The following ARMCX4 variants were observed in gnomAD, a reference collection of about 807,000 sequenced individuals.
The protein encoded by ARMCX4 is armadillo repeat containing X-linked 4.
ARMCX4 carries 3 observed loss-of-function variants against 34.7 expected under a neutral mutation model. The observed-to-expected ratio is 0.09, with a 90% confidence interval of 0.04 to 0.22. The LOEUF is 0.22. ARMCX4 is among the 10% of genes least tolerant of loss of function. ARMCX4 has a pLI of 1.00. For synonymous variants in ARMCX4, 513 were observed against 632.8 expected, an observed-to-expected ratio of 0.81 and a Z score of 2.84; for missense variants, 1,448 against 1,720.8, an observed-to-expected ratio of 0.84 and a Z score of 2.81.
intron 7 of ARMCX4, among the ~76,000 whole-genome samples, chrX:101,503,715 A>G (rs1934367105): frequency 9.1e-6 from 1 of 110,194 alleles, no homozygotes; most frequent in Non-Finnish European, 1.9e-5. Context: ...GATTGCAAAA[A>G]TTTTCTCCCA....
chrX:101,525,944 C>A (rs1431201012), intron 11 of ARMCX4, among the ~76,000 whole-genome samples: 1 of 111,885 alleles, frequency 8.9e-6, no homozygotes, highest in Non-Finnish European at 1.9e-5. Context: ...CCCAACCTAG[C>A]AAGGCAGGCC....
At chrX:101,449,732 C>T (rs895051399), downstream of ARMCX4, among the ~76,000 whole-genome samples, 6 of 111,686 alleles carry the variant, frequency 5.4e-5, no homozygotes, top group Non-Finnish European at 5.6e-5. Context: ...TTATTTTGTA[C>T]GGTGAGGTCG....
At chrX:101,510,970 T>C (rs1444152292) in intron 10 of ARMCX4, 1 of 111,607 alleles carries the variant, frequency 9.0e-6, no homozygotes, top group Non-Finnish European at 1.9e-5. Context: ...TAGGTTCTTC[T>C]TTTCATCCTT....
At chrX:101,427,135 AG>A (rs1929671127) in intron 2 of ARMCX4, among the ~76,000 whole-genome samples, 1 of 111,932 alleles carries the variant, frequency 8.9e-6, no homozygotes, top group Non-Finnish European at 1.9e-5. Flanking sequence ...GGAAAAATAA[AG>A]TTAACATCTC....
chrX:101,485,974 G>C (rs1556006681), intron 1 of ARMCX4, 49 bp from the exon 2 acceptor site: 2 of 111,503 alleles, frequency 1.8e-5, no homozygotes, highest in African/African-American at 6.5e-5. Context: ...TATGTCCTGG[G>C]CTCTAGACCA....
Position 101,492,148 on chromosome X carries a change from G to A in ARMCX4, c.3559G>A (p.Ala1187Thr), listed in dbSNP as rs782740612. The A allele has an allele frequency of 1.5e-5, 17 of 1,153,777 alleles. No homozygotes were observed. The highest frequency in any genetic ancestry group is 1.9e-5 in the Non-Finnish European group (17 of 871,865). ...GACTTGGGCTAGAGCTGGGGAGCAGGCCAGTGGAGGGCTCTGGGCTGGGGG... is the reference window on the plus strand; with the variant it reads ...GACTTGGGCTAGAGCTGGGGAGCAGACCAGTGGAGGGCTCTGGGCTGGGGG... ...IGTWARAGEQ[A>T]SGGLWAGGQT... Residue 1187 changes from alanine (A) to threonine (T), a missense_variant, in exon 6 of 6, where the codon GCC (alanine) becomes ACC (threonine). Ala to Thr is a moderately conservative substitution (Grantham distance 58). Transcript: ENST00000423738.
chrX:101,495,400 G>A lies in ARMCX4; in HGVS notation c.6811G>A (p.Ala2271Thr). Residue 2271 changes from alanine (A) to threonine (T), a missense_variant, in exon 6 of 6, where the codon GCA (alanine) becomes ACA (threonine). By Grantham distance (58) the Ala-to-Thr change is moderately conservative. This residue lies in a region of ARMCX4 where 105 missense variants were observed against 180.2 expected (regional missense o/e 0.58). Coordinates refer to ENST00000423738, the MANE Select transcript of ARMCX4 (RefSeq NM_001256155.3). ...ATGTGCCAAGAAACTTCGAGCCTTAGCAGCAGAATGCAATGACCCTGAGGT... is the reference window on the plus strand; with the variant it reads ...ATGTGCCAAGAAACTTCGAGCCTTAACAGCAGAATGCAATGACCCTGAGGT... ...KACAKKLRAL[A>T]AECNDPEVKE... 1.7e-6 allele frequency: 2 copies of A among 1,143,562 alleles called. No individual in the cohort carries two copies. Among genetic ancestry groups the A allele is most frequent in the Non-Finnish European group, 2.3e-6 (2 of 867,825 alleles). The allele number at this position is 1,143,562 out of a possible 1,213,427, so 94.2% of individuals were successfully genotyped here. A position where few individuals can be genotyped will look rare whatever the true frequency, so the allele number is the denominator to read the frequency against.
chrX:101,519,158 C>A (rs782760686), intron 11 of ARMCX4, among the ~76,000 whole-genome samples: 2 of 111,528 alleles, frequency 1.8e-5, no homozygotes, highest in African/African-American at 6.5e-5. Context: ...TATAAATCTT[C>A]TGGTTAGAGT....
At chrX:101,503,852 G>T (rs1556014370) in intron 7 of ARMCX4, among the ~76,000 whole-genome samples, 1 of 109,529 alleles carries the variant, frequency 9.1e-6, no homozygotes, top group Non-Finnish European at 1.9e-5. Context: ...TAGACATGAA[G>T]TCCTTGCCCA....
chrX:101,501,410 T>G (rs1556013594), intron 7 of ARMCX4, among the ~76,000 whole-genome samples: 1 of 112,850 alleles, frequency 8.9e-6, no homozygotes, highest in African/African-American at 3.2e-5. Flanking sequence ...AAGGCAAGTT[T>G]ATTAGAGCAA....
intron 1 of ARMCX4, among the ~76,000 whole-genome samples, chrX:101,418,562 G>A (rs1294463331): frequency 8.9e-6 from 1 of 112,019 alleles, no homozygotes; most frequent in East Asian, 2.8e-4. Flanking sequence ...AGGCCTAGTC[G>A]TGCGACAGGA....
chrX:101,441,550 GCATGTACACA>G (rs1931290109), intron 2 of ARMCX4, among the ~76,000 whole-genome samples: 1 of 106,727 alleles, frequency 9.4e-6, no homozygotes, highest in East Asian at 2.9e-4. Context: ...ATGTGTGCAT[GCATGTACACA>G]CACATGCACA....
At chrX:101,499,630 A>G (rs1296509731), downstream of ARMCX4, among the ~76,000 whole-genome samples, 2 of 112,071 alleles carry the variant, frequency 1.8e-5, no homozygotes, top group Non-Finnish European at 3.8e-5. Context: ...GTTGCACTTA[A>G]CTGTCAGAAG....
chrX:101,423,381 G>A (rs1197288657), intron 2 of ARMCX4, among the ~76,000 whole-genome samples: 2 of 107,851 alleles, frequency 1.9e-5, no homozygotes, highest in Non-Finnish European at 3.8e-5. Context: ...ACTTTGGGAG[G>A]CCGAGGTGGG....
At chrX:101,481,388 G>A (rs1051639671), upstream of ARMCX4, among the ~76,000 whole-genome samples, 1 of 112,164 alleles carries the variant, frequency 8.9e-6, no homozygotes, top group Non-Finnish European at 1.9e-5. Context: ...TGATTTTGCC[G>A]AACTGTCAGC....
At chrX:101,500,359 A>T (rs1934269259), downstream of ARMCX4, among the ~76,000 whole-genome samples, 1 of 111,890 alleles carries the variant, frequency 8.9e-6, no homozygotes, top group African/African-American at 3.2e-5. Context: ...TTTGTAGATG[A>T]GAAGGCCAAG....
intron 11 of ARMCX4, among the ~76,000 whole-genome samples, chrX:101,512,113 C>T (rs782042992): frequency 7.2e-5 from 8 of 110,959 alleles, no homozygotes; most frequent in African/African-American, 2.3e-4. Flanking sequence ...TGGGTGCGGC[C>T]GCTCACGCCT....
chrX:101,463,630 G>A (rs1274482778), intron 4 of ARMCX4, among the ~76,000 whole-genome samples: 9 of 112,125 alleles, frequency 8.0e-5, no homozygotes, highest in African/African-American at 2.9e-4. Context: ...AGAAGTAAGA[G>A]ACCCAGTGGT....
chrX:101,432,703 T>C lies in ARMCX4; in HGVS notation n.165-11349T>C, dbSNP rs188785926. Among the ~76,000 whole-genome samples the C allele has an allele frequency of 9.0e-3, 953 of 106,218 alleles. 4 individuals are homozygous for C. Among genetic ancestry groups the C allele is most frequent in the Non-Finnish European group, 0.015 (752 of 51,805 alleles). The allele number at this position is 106,218 out of a possible 115,157, so 92.2% of individuals were successfully genotyped here. A position where few individuals can be genotyped will look rare whatever the true frequency, so the allele number is the denominator to read the frequency against. On this transcript the variant is annotated intron_variant and non_coding_transcript_variant, in intron 2 of 3. Coordinates refer to the ARMCX4 transcript ENST00000430461. ...ATACATATATACGTATATATACACATATATATGTATACATATATGTATATA... is the reference window on the plus strand; with the variant it reads ...ATACATATATACGTATATATACACACATATATGTATACATATATGTATATA...
Sources: allele counts gnomAD v4.1 joint callset (sites outside exome capture counted in the v4.1 genomes callset), GRCh38; gene constraint gnomAD v4.1.1; regional missense constraint gnomAD v4.1.1; transcripts MANE v1.5; gene names NCBI Gene and HGNC (gene_info 2026-07-23, HGNC 2026-07-21).